The following CCDC125 variants were observed in gnomAD, a reference collection of about 807,000 sequenced individuals.
CCDC125 encodes coiled-coil domain containing 125.
CCDC125 carries 43 observed loss-of-function variants against 57.4 expected under a neutral mutation model. That is an observed-to-expected ratio of 0.75 (90% confidence interval 0.59 to 0.97). CCDC125 has a LOEUF of 0.97. Ranked by LOEUF, CCDC125 falls within the 50% of genes least tolerant of loss-of-function variation. The pLI is 0.00. For synonymous variants in CCDC125, 187 were observed against 195.2 expected, an observed-to-expected ratio of 0.96 and a Z score of 0.35; for missense variants, 563 against 595.7, an observed-to-expected ratio of 0.95 and a Z score of 0.57.
At chr5:69,314,373 G>A (rs968202052) in intron 2 of CCDC125, among the ~76,000 whole-genome samples, 39 of 152,038 alleles carry the variant, frequency 2.6e-4, no homozygotes, top group African/African-American at 8.9e-4. Context: ...GCTGAGGCAG[G>A]AGAATCACTT....
At chr5:69,305,975 A>G (rs1326318176) in intron 6 of CCDC125, among the ~76,000 whole-genome samples, 1 of 152,240 alleles carries the variant, frequency 6.6e-6, no homozygotes, top group African/African-American at 2.4e-5. Flanking sequence ...GTAAGTGTAT[A>G]ATTTAAAGTT....
At chr5:69,293,891 A>G (rs1754904234) in intron 9 of CCDC125, 1 of 152,216 alleles carries the variant, frequency 6.6e-6, no homozygotes, top group Non-Finnish European at 1.5e-5. Context: ...AATGGCAGCT[A>G]TCATTTGAAT....
At chr5:69,326,604 A>G (rs1760761611) in intron 1 of CCDC125, among the ~76,000 whole-genome samples, 1 of 152,202 alleles carries the variant, frequency 6.6e-6, no homozygotes. Context: ...TGTAAAAGGA[A>G]AGAGTAAGCA....
At chr5:69,317,220 AG>A in intron 2 of CCDC125, among the ~76,000 whole-genome samples, 1 of 152,232 alleles carries the variant, frequency 6.6e-6, no homozygotes, top group South Asian at 2.1e-4. Flanking sequence ...CATCTTGGCC[AG>A]GCTGGTCTCA....
intron 10 of CCDC125, among the ~76,000 whole-genome samples, chr5:69,289,660 G>A (rs925209165): frequency 6.6e-6 from 1 of 152,080 alleles, no homozygotes; most frequent in African/African-American, 2.4e-5. Flanking sequence ...CCAGGAGTTT[G>A]AGACCAGCCT....
At chr5:69,286,055 G>A (rs1470411663) in intron 10 of CCDC125, among the ~76,000 whole-genome samples, 1 of 151,556 alleles carries the variant, frequency 6.6e-6, no homozygotes, top group African/African-American at 2.4e-5. Context: ...AGAAGGGGAA[G>A]TGAGGAGTTA....
intron 1 of CCDC125, among the ~76,000 whole-genome samples, chr5:69,325,849 AAAGAG>A (rs1760673149): frequency 6.6e-6 from 1 of 150,792 alleles, no homozygotes; most frequent in African/African-American, 2.4e-5. Context: ...AAAAAAAAAA[AAAGAG>A]AGACAGCATC....
intron 3 of CCDC125, chr5:69,313,644 G>A (rs1758520569): frequency 2.7e-6 from 2 of 741,904 alleles, no homozygotes; most frequent in South Asian, 2.9e-5. Context: ...ATCCTTATCC[G>A]GTAGCATCTT....
chr5:69,300,003 C>CT lies in CCDC125; in HGVS notation c.816+8dup. ...CCCTTCTGTTCAGCTTTCCTGCATG[C>CT]TTACCTACCTCAAGACCTGAAGCCT... On this transcript the variant is annotated intron_variant, in intron 8 of 11. Transcript: ENST00000396496. 1 of 1,599,994 alleles carries CT rather than the reference C, an allele frequency of 6.3e-7. No homozygotes were observed.
At chr5:69,295,180 C>T (rs1036902274) in intron 8 of CCDC125, among the ~76,000 whole-genome samples, 7 of 152,122 alleles carry the variant, frequency 4.6e-5, no homozygotes, top group South Asian at 2.1e-4. Flanking sequence ...TTAATCCTGG[C>T]GCCACTCTCC....
At chr5:69,318,050 C>A (rs150741441) in intron 2 of CCDC125, among the ~76,000 whole-genome samples, 1,477 of 138,136 alleles carry the variant, frequency 0.011, 31 homozygotes, top group African/African-American at 0.038. Context: ...GGTGCGATCT[C>A]GGCTCACTGC....
chr5:69,296,308 T>C (rs928487229), intron 8 of CCDC125, among the ~76,000 whole-genome samples: 1 of 152,140 alleles, frequency 6.6e-6, no homozygotes, highest in African/African-American at 2.4e-5. Flanking sequence ...TCCCAGCACT[T>C]TGGCAAGCCA....
intron 10 of CCDC125, among the ~76,000 whole-genome samples, chr5:69,289,011 G>A (rs1753971566): frequency 6.6e-6 from 1 of 152,216 alleles, no homozygotes. Context: ...CTCAAGTGCT[G>A]AAATGAGTAT....
downstream of CCDC125, among the ~76,000 whole-genome samples, chr5:69,277,787 A>AT (rs1752279504): frequency 2.0e-5 from 3 of 151,576 alleles, no homozygotes; most frequent in African/African-American, 7.3e-5. Flanking sequence ...AAAAAAATGT[A>AT]GTAGTGGTGT....
intron 8 of CCDC125, among the ~76,000 whole-genome samples, chr5:69,298,173 G>A (rs1043898380): frequency 1.3e-5 from 2 of 151,784 alleles, no homozygotes; most frequent in African/African-American, 2.4e-5. Context: ...ACGCCACTAC[G>A]CCCAGCTAAT....
intron 3 of CCDC125, among the ~76,000 whole-genome samples, chr5:69,312,064 G>A (rs187004846): frequency 6.6e-6 from 1 of 152,282 alleles, no homozygotes; most frequent in African/African-American, 2.4e-5. Flanking sequence ...TTTACATACT[G>A]AGGTTGTAGT....
intron 3 of CCDC125, among the ~76,000 whole-genome samples, chr5:69,312,434 CCAAA>C (rs1298360370): frequency 6.6e-6 from 1 of 152,076 alleles, no homozygotes; most frequent in Non-Finnish European, 1.5e-5. Flanking sequence ...GGGAAGAGTC[CCAAA>C]CACACAGTAA....
chr5:69,299,093 T>G (rs1755893431), intron 8 of CCDC125, among the ~76,000 whole-genome samples: 1 of 149,054 alleles, frequency 6.7e-6, no homozygotes, highest in Non-Finnish European at 1.5e-5. Context: ...TTACCAATTT[T>G]TCTTAAGTTC....
chr5:69,298,819 A>G (rs1479993640), intron 8 of CCDC125, among the ~76,000 whole-genome samples: 1 of 152,160 alleles, frequency 6.6e-6, no homozygotes, highest in Non-Finnish European at 1.5e-5. Flanking sequence ...TTTTCCACCC[A>G]TGGCAGTAGA....
Sources: gnomAD v4.1 joint callset for allele counts (sites outside exome capture counted in the v4.1 genomes callset) on GRCh38, gnomAD v4.1.1 for gene constraint, MANE v1.5 for transcripts, NCBI Gene and HGNC (gene_info 2026-07-23, HGNC 2026-07-21) for gene names.